Variants in DNAH3 observed in about 807,000 individuals in gnomAD.
The protein encoded by DNAH3 is dynein axonemal heavy chain 3, also known as axonemal beta dynein heavy chain 3.
Under a neutral mutation model 432.5 loss-of-function variants are expected in DNAH3, and 332 were observed. The ratio of observed to expected loss-of-function variants is 0.77; its 90% CI spans 0.70 to 0.84. The LOEUF is 0.84. DNAH3 is among the 40% of genes least tolerant of loss of function. The pLI, the probability that DNAH3 is intolerant of heterozygous loss-of-function variation, is 0.00. For synonymous variants in DNAH3, 1,956 were observed against 1,900.2 expected, an observed-to-expected ratio of 1.03 and a Z score of -0.76; for missense variants, 4,861 against 5,114.0, an observed-to-expected ratio of 0.95 and a Z score of 1.51.
chr16:21,011,280 G>GA (rs1234583594), intron 41 of DNAH3, among the ~76,000 whole-genome samples: 1 of 152,024 alleles, frequency 6.6e-6, no homozygotes, highest in Non-Finnish European at 1.5e-5. Flanking sequence ...TGGAGCCTGT[G>GA]AAAAAAATAT....
At chr16:20,963,088 C>G (rs1267841485) in intron 53 of DNAH3, among the ~76,000 whole-genome samples, 196 bp downstream of exon 53, 1 of 152,112 alleles carries the variant, frequency 6.6e-6, no homozygotes, top group Non-Finnish European at 1.5e-5. Context: ...CCCAAATGGC[C>G]CAATTTGTGG....
chr16:21,080,241 G>T (rs1238336804), intron 20 of DNAH3, among the ~76,000 whole-genome samples: 2 of 152,174 alleles, frequency 1.3e-5, no homozygotes, highest in African/African-American at 4.8e-5. Flanking sequence ...AGGTTGCAGT[G>T]AGCCGAGATT....
chr16:20,971,285 G>T (rs1426757516), intron 51 of DNAH3, among the ~76,000 whole-genome samples: 1 of 151,966 alleles, frequency 6.6e-6, no homozygotes, highest in Non-Finnish European at 1.5e-5. Flanking sequence ...AGGCAAATTA[G>T]GATCAAACAG....
At chr16:21,150,702 A>G (rs2092843680) in intron 1 of DNAH3, 49 bp downstream of exon 1, 1 of 174,526 alleles carries the variant, frequency 5.7e-6, no homozygotes, top group Non-Finnish European at 1.2e-5. Flanking sequence ...ACTGCAGAGG[A>G]AAGACTGAAG....
chr16:21,145,149 A>T, intron 3 of DNAH3, 32 bp downstream of exon 4: 2 of 1,550,596 alleles, frequency 1.3e-6, no homozygotes, highest in Non-Finnish European at 1.8e-6. Context: ...CCAAAGCCCC[A>T]TTCTGCAAGG....
At chr16:20,964,107 G>A (rs1567538938) in exon 53 of DNAH3, 1 of 1,614,174 alleles carries the variant, frequency 6.2e-7, no homozygotes, top group Non-Finnish European at 8.5e-7. Context: ...GAACTTTGAT[G>A]GCGGTTTCAT....
At chr16:21,040,686 C>A (rs1162711374) in intron 32 of DNAH3, among the ~76,000 whole-genome samples, 1 of 152,038 alleles carries the variant, frequency 6.6e-6, no homozygotes, top group African/African-American at 2.4e-5. Context: ...GATTTGAGTT[C>A]TTGTTTTGCT....
chr16:21,014,521 T>C (rs370760893), intron 41 of DNAH3, among the ~76,000 whole-genome samples: 39 of 152,302 alleles, frequency 2.6e-4, no homozygotes, highest in African/African-American at 8.7e-4. Context: ...AAGAACTAGA[T>C]GCTTTCCTCC....
At chr16:20,963,900 G>C (rs764494492) in exon 53 of DNAH3, 6 of 1,614,052 alleles carry the variant, frequency 3.7e-6, no homozygotes, top group African/African-American at 2.7e-5. Context: ...AATGCATGTA[G>C]AGATTTATGA....
At position 21,125,174 on chromosome 16, in the gene DNAH3, C is replaced by T. The variant is rs750415098; in HGVS notation, c.1404+1G>A. ...GGTCCAAATGCAGGTCCCTGACTTA[C>T]TTTGTGTATCATGAAAAGGGAAACG... is the stretch of plus-strand genomic sequence containing the variant. On this transcript the variant is annotated splice_donor_variant, in intron 9 of 61. Coordinates refer to ENST00000261383, the Ensembl canonical transcript of DNAH3. LOFTEE classifies it high-confidence loss of function. 2 of 1,597,562 alleles carry T rather than the reference C, an allele frequency of 1.3e-6. No individual in the cohort carries two copies. The highest frequency in any genetic ancestry group is 2.3e-5 in the South Asian group (2 of 88,462).
chr16:21,090,630 A>C (rs1841855749), intron 18 of DNAH3, among the ~76,000 whole-genome samples: 4 of 152,224 alleles, frequency 2.6e-5, no homozygotes, highest in Admixed American at 2.6e-4. Context: ...TAAGTGAAAT[A>C]AGCCAGGCAC....
At chr16:21,023,139 G>A (rs1272728487) in intron 39 of DNAH3, among the ~76,000 whole-genome samples, 1 of 152,078 alleles carries the variant, frequency 6.6e-6, no homozygotes, top group African/African-American at 2.4e-5. Flanking sequence ...CTTAGGTGTG[G>A]ATCTATATAG....
intron 27 of DNAH3, among the ~76,000 whole-genome samples, chr16:21,055,598 AAAT>A (rs1247482166): frequency 6.6e-6 from 1 of 152,186 alleles, no homozygotes; most frequent in East Asian, 1.9e-4. Flanking sequence ...AAGAGGCAAA[AAAT>A]AAAATAAAAA....
chr16:21,141,405 G>A, intron 3 of DNAH3, 33 bp from the exon 5 acceptor site: 1 of 1,511,476 alleles, frequency 6.6e-7, no homozygotes. Context: ...CATCAGTGAT[G>A]GGCAATGGCC....
At chr16:20,998,007 C>T (rs1269679016) in intron 43 of DNAH3, among the ~76,000 whole-genome samples, 2 of 151,798 alleles carry the variant, frequency 1.3e-5, no homozygotes, top group African/African-American at 4.8e-5. Context: ...TGAGACCCTG[C>T]CTCAAAAAGA....
chr16:20,982,277 G>T (rs1329000072), intron 49 of DNAH3, among the ~76,000 whole-genome samples: 1 of 151,928 alleles, frequency 6.6e-6, no homozygotes, highest in Admixed American at 6.6e-5. Flanking sequence ...CCAGCTGCTT[G>T]GGGGAGGCTG....
chr16:21,034,312 T>C (rs2089052559), intron 35 of DNAH3, among the ~76,000 whole-genome samples: 2 of 152,226 alleles, frequency 1.3e-5, no homozygotes, highest in South Asian at 4.1e-4. Context: ...TACCATTTGC[T>C]CTGTACTTGT....
chr16:21,117,296 A>G, exon 12 of DNAH3: 1 of 1,611,344 alleles, frequency 6.2e-7, no homozygotes, highest in Non-Finnish European at 8.5e-7. Flanking sequence ...AGTTCCAAGG[A>G]GCAGATTATA....
chr16:21,019,600 C>T (rs987815955), intron 41 of DNAH3, 24 bp downstream of exon 41: 1 of 1,613,126 alleles, frequency 6.2e-7, no homozygotes, highest in African/African-American at 1.3e-5. Flanking sequence ...TATACTAGAA[C>T]ATAACAAACA....
Sources: gnomAD v4.1 joint callset for allele counts (sites outside exome capture counted in the v4.1 genomes callset) on GRCh38, gnomAD v4.1.1 for gene constraint, MANE v1.5 for transcripts, NCBI Gene and HGNC (gene_info 2026-07-23, HGNC 2026-07-21) for gene names.